GPSM1: variants seen among roughly 807,000 people sequenced by gnomAD.
The protein encoded by GPSM1 is G protein signaling modulator 1, also known as G protein-signaling modulator 1.
A neutral mutation model predicts 70.5 loss-of-function variants in GPSM1; 48 were observed. The observed-to-expected ratio is 0.68, with a 90% CI of 0.54 to 0.87. The LOEUF (loss-of-function observed/expected upper bound fraction) is 0.87. Ranked by LOEUF, GPSM1 falls within the 40% of genes least tolerant of loss-of-function variation. The probability of loss-of-function intolerance (pLI) is 0.00; values close to 1 mark genes in which losing one functional copy is unlikely to be tolerated. For missense variants in GPSM1, 981 were observed against 972.6 expected (o/e 1.01, Z -0.11); for synonymous variants, 416 against 430.1 (o/e 0.97, Z 0.41).
rs28495820 is a variant in GPSM1, at chr9:136,327,718, C to T, written c.23C>T (p.Ala8Val). The T allele has an allele frequency of 8.6e-4, 1,014 of 1,174,832 alleles. 1 individual carries two copies. Among genetic ancestry groups the T allele is most frequent in the Non-Finnish European group, 9.8e-4 (933 of 952,536 alleles). The allele number at this position is 1,174,832 out of a possible 1,614,324, so 72.8% of individuals were successfully genotyped here. ...CCCATGGCGGGCCCGGCCCCGCCCG[C>T]GGCCGACGAGCTCCCGGGCCCGGCC... MAGPAPP[A>V]ADELPGPAAR... is the part of the protein sequence containing the mutation. The change falls in exon 1 of 14, where the codon GCG (alanine) becomes GTG (valine). Residue 8 changes from alanine to valine, a missense_variant. Ala to Val is a moderately conservative substitution (Grantham distance 64). Transcript: ENST00000440944.
intron 11 of GPSM1, among the ~76,000 whole-genome samples, chr9:136,352,192 ACACCGATG>A (rs1832686732): frequency 1.3e-5 from 1 of 74,428 alleles, no homozygotes; most frequent in African/African-American, 5.6e-5. Context: ...GCTGTTGGTG[ACACCGATG>A]CTGCGCCGTT....
At chr9:136,351,858 C>T (rs1832670787) in intron 11 of GPSM1, among the ~76,000 whole-genome samples, 3 of 152,254 alleles carry the variant, frequency 2.0e-5, no homozygotes, top group Non-Finnish European at 4.4e-5. Context: ...GAGGTCAGAA[C>T]CTTGGGTACC....
rs782201728 is a variant in GPSM1 at position 136,356,329 on chromosome 9, TG to T, written c.1613-11del. The stretch of plus-strand genomic sequence containing the variant: ...GCACTGGGTCCCAGGTCTCACCCTC[TG>T]GCCCCCCGCAGCCCAGCCCTCGATG... On this transcript the variant is annotated splice_polypyrimidine_tract_variant and intron_variant, in intron 12 of 13. Transcript: ENST00000440944. 1 of 1,549,886 alleles carries T rather than the reference TG, an allele frequency of 6.5e-7. No homozygotes were observed. Among genetic ancestry groups the T allele is most frequent in the South Asian group, 1.2e-5 (1 of 83,448 alleles).
At chr9:136,348,919 C>T in intron 10 of GPSM1, 152 bp downstream of exon 10, 1 of 622,344 alleles carries the variant, frequency 1.6e-6, no homozygotes, top group Admixed American at 2.7e-5. Flanking sequence ...CATGGCCCAT[C>T]TGCCACCTGC....
chr9:136,329,604 G>A (rs782357379), intron 1 of GPSM1, among the ~76,000 whole-genome samples: 2 of 152,208 alleles, frequency 1.3e-5, no homozygotes, highest in Non-Finnish European at 2.9e-5. Flanking sequence ...GTCCCTCAAT[G>A]TGGATGGGGC....
At chr9:136,338,341 G>A (rs552243005) in intron 6 of GPSM1, among the ~76,000 whole-genome samples, 2 of 152,322 alleles carry the variant, frequency 1.3e-5, no homozygotes, top group Admixed American at 6.5e-5. Flanking sequence ...GGGTGGTCAG[G>A]CAACTTGCCA....
chr9:136,335,909 G>A lies in GPSM1; in HGVS notation c.291-57G>A, dbSNP rs567359018. On this transcript the variant is annotated intron_variant, in intron 2 of 13. Transcript: ENST00000440944. ...CCCACCCCATGCTCAGCCTCCCCCC[G>A]GGCCCAGAGGCCTGACCAGTCCTCA... 128 of 1,571,038 alleles carry A rather than the reference G, an allele frequency of 8.1e-5. 1 individual carries two copies. In the Middle Eastern group the frequency reaches 8.5e-4, roughly 10 times the overall value.
chr9:136,342,088 G>A lies in GPSM1; in HGVS notation c.1207+1095G>A, dbSNP rs1177191483. Among the ~76,000 whole-genome samples, 2 of 152,140 alleles carry A rather than the reference G, an allele frequency of 1.3e-5. No individual in the cohort carries two copies. The highest frequency in any genetic ancestry group is 1.5e-5 in the Non-Finnish European group (1 of 67,988). On this transcript the variant is annotated intron_variant, in intron 9 of 13. Transcript: ENST00000440944. The surrounding 1 kb of genome is among the most constrained non-coding windows in gnomAD (Gnocchi z 5.5). Reference sequence around the variant, plus strand: ...AGGCTCTGGGGCCCTCAGCGAGTCCGTGGGACAAGGTGCTGTGACCGATGG... The same window carrying A: ...AGGCTCTGGGGCCCTCAGCGAGTCCATGGGACAAGGTGCTGTGACCGATGG...
intron 11 of GPSM1, among the ~76,000 whole-genome samples, chr9:136,350,223 G>T (rs373446019): frequency 1.7e-4 from 26 of 152,264 alleles, no homozygotes; most frequent in African/African-American, 6.3e-4. Flanking sequence ...CACTGTGAGA[G>T]CCGGGCTGCA....
In GPSM1 at chr9:136,338,586, G is replaced by A. The variant is rs1455313140; in HGVS notation, c.850G>A (p.Asp284Asn). 1 of 1,611,602 alleles carries A rather than the reference G, an allele frequency of 6.2e-7. No homozygotes were observed. Among genetic ancestry groups the A allele is most frequent in the African/African-American group, 1.3e-5 (1 of 75,048 alleles). ...GCTGCAACTGTCTCGGCAGCTCAGG[G>A]ACCAGGCAGTGGAGGCGCAGGCCTG... ...KTLQLSRQLR[D>N]QAVEAQACYS... The change falls in exon 7 of 14, where the codon GAC (aspartate) becomes AAC (asparagine). Residue 284 changes from aspartate to asparagine, a missense_variant. Transcript: ENST00000440944.
At chr9:136,347,891 GC>G (rs1832561446) in intron 9 of GPSM1, among the ~76,000 whole-genome samples, 1 of 152,200 alleles carries the variant, frequency 6.6e-6, no homozygotes, top group South Asian at 2.1e-4. Context: ...ACCCGTCTCT[GC>G]CAGGGCTGTG....
At chr9:136,356,034 C>A (rs1398254662) in intron 12 of GPSM1, among the ~76,000 whole-genome samples, 188 bp downstream of exon 12, 1 of 152,108 alleles carries the variant, frequency 6.6e-6, no homozygotes, top group African/African-American at 2.4e-5. Context: ...GTCATCAGCC[C>A]GCCCTCCGGG....
At chr9:136,333,636 T>C (rs1437651802) in intron 1 of GPSM1, among the ~76,000 whole-genome samples, 1 of 152,070 alleles carries the variant, frequency 6.6e-6, no homozygotes, top group African/African-American at 2.4e-5. Flanking sequence ...GGCCTGGCCC[T>C]TGGGGTTAGG....
Position 136,341,420 on chromosome 9 carries a change from C to T in GPSM1, c.1207+427C>T. ...CTGTGGGAGCCCTATGTGCCTGGGG[C>T]AGTAATCAGGCAAGGCCCAAGGCCA... On this transcript the variant is annotated intron_variant, in intron 9 of 13. Coordinates refer to ENST00000440944, the MANE Select transcript of GPSM1 (RefSeq NM_001145638.3). This position sits in a 1 kb window ranked among gnomAD's most constrained non-coding sequence, Gnocchi z 6.7. The T allele has an allele frequency of 7.1e-7, 1 of 1,414,286 alleles. No homozygotes were observed. The highest frequency in any genetic ancestry group is 9.2e-7 in the Non-Finnish European group (1 of 1,088,558). The allele number at this position is 1,414,286 out of a possible 1,614,324, so 87.6% of individuals were successfully genotyped here. A position where few individuals can be genotyped will look rare whatever the true frequency, so the allele number is the denominator to read the frequency against.
intron 9 of GPSM1, among the ~76,000 whole-genome samples, chr9:136,344,245 AGACAGGAGCAGGGGAGGCGCG>A (rs1444793730): frequency 2.7e-5 from 4 of 145,490 alleles, no homozygotes; most frequent in African/African-American, 5.1e-5. Context: ...GGTGGGGCGC[AGACAGGAGCAGGGGAGGCGCG>A]GACAGGAACA....
Position 136,341,567 on chromosome 9 carries a change from G to A in GPSM1, c.1207+574G>A. ...GAAAAGACTAATAGGTGCCAGGGGGGTGGTGCCAGGTTGGGCCGACTTCCT... is the reference window on the plus strand; with the variant it reads ...GAAAAGACTAATAGGTGCCAGGGGGATGGTGCCAGGTTGGGCCGACTTCCT... On this transcript the variant is annotated intron_variant, in intron 9 of 13. Transcript: ENST00000440944. The surrounding 1 kb of genome is among the most constrained non-coding windows in gnomAD (Gnocchi z 6.7). 9.7e-7 allele frequency: 1 copy of A among 1,028,740 alleles called. No individual in the cohort carries two copies. Among genetic ancestry groups the A allele is most frequent in the Non-Finnish European group, 1.2e-6 (1 of 856,606 alleles). The allele number at this position is 1,028,740 out of a possible 1,614,324, so 63.7% of individuals were successfully genotyped here.
intron 11 of GPSM1, among the ~76,000 whole-genome samples, chr9:136,350,821 G>A (rs1228866005): frequency 1.3e-5 from 2 of 152,214 alleles, no homozygotes; most frequent in African/African-American, 2.4e-5. Context: ...GTGGCGGGAG[G>A]GGTGGGGCAG....
intron 3 of GPSM1, among the ~76,000 whole-genome samples, 169 bp from the exon 4 acceptor site, chr9:136,336,752 G>T (rs1201713333): frequency 6.6e-6 from 1 of 152,130 alleles, no homozygotes; most frequent in Admixed American, 6.5e-5. Context: ...TGGCTTCCCG[G>T]GTGTGCCGTC....
intron 12 of GPSM1, 101 bp downstream of exon 12, chr9:136,355,947 C>T (rs1832807607): frequency 3.1e-6 from 3 of 956,264 alleles, no homozygotes; most frequent in Middle Eastern, 3.3e-4. Flanking sequence ...GGGGGCAGAC[C>T]AGCAGGCCAG....
Sources: gnomAD v4.1 joint callset for allele counts (sites outside exome capture counted in the v4.1 genomes callset) on GRCh38, gnomAD v4.1.1 for gene constraint, Gnocchi (gnomAD v3.1) non-coding constraint, MANE v1.5 for transcripts, NCBI Gene and HGNC (gene_info 2026-07-23, HGNC 2026-07-21) for gene names.